Variants in EPHA4 observed in about 807,000 individuals in gnomAD.
EPHA4 encodes EPH receptor A4, also known as ephrin type-A receptor 4.
In EPHA4, 19 loss-of-function variants were observed where a neutral mutation model predicts 108.3. The ratio of observed to expected loss-of-function variants is 0.18; its 90% confidence interval spans 0.12 to 0.26. EPHA4 has a LOEUF of 0.26. EPHA4 is among the 10% of genes least tolerant of loss of function. The pLI is 1.00. For synonymous variants in EPHA4, 449 were observed against 455.5 expected, an observed-to-expected ratio of 0.99 and a Z score of 0.18; for missense variants, 917 against 1,254.0, an observed-to-expected ratio of 0.73 and a Z score of 4.06.
chr2:221,461,975 T>A (rs895609239), intron 5 of EPHA4, among the ~76,000 whole-genome samples: 1 of 131,494 alleles, frequency 7.6e-6, no homozygotes, highest in Non-Finnish European at 1.6e-5. Context: ...GGGGGGCTGA[T>A]GAACACATTC....
At chr2:221,552,507 C>T (rs953899925) in intron 3 of EPHA4, among the ~76,000 whole-genome samples, 11 of 152,152 alleles carry the variant, frequency 7.2e-5, no homozygotes, top group African/African-American at 2.7e-4. Context: ...TTCTTCAAAA[C>T]TCTTCTCCCT....
intron 3 of EPHA4, among the ~76,000 whole-genome samples, chr2:221,520,855 GC>G: frequency 6.6e-6 from 1 of 152,190 alleles, no homozygotes; most frequent in East Asian, 1.9e-4. Flanking sequence ...TCTGCCAGTT[GC>G]ACTTTTAGCA....
intron 5 of EPHA4, among the ~76,000 whole-genome samples, chr2:221,461,985 CTTTTTTTTT>C (rs71050335): frequency 2.2e-5 from 3 of 138,922 alleles, no homozygotes; most frequent in Non-Finnish European, 4.6e-5. Flanking sequence ...TGAACACATT[CTTTTTTTTT>C]TTTTTTTACA....
chr2:221,514,674 A>G (rs925980926), intron 3 of EPHA4, among the ~76,000 whole-genome samples: 7 of 152,188 alleles, frequency 4.6e-5, no homozygotes. Flanking sequence ...CACAAATGGC[A>G]TGCAGGAGAA....
chr2:221,555,837 C>T (rs1224436478), intron 3 of EPHA4, among the ~76,000 whole-genome samples: 2 of 152,164 alleles, frequency 1.3e-5, no homozygotes, highest in Non-Finnish European at 2.9e-5. Flanking sequence ...CTATAAATTG[C>T]TGCCTAATTT....
chr2:221,421,480 C>T (rs1052332349), intron 17 of EPHA4, among the ~76,000 whole-genome samples: 2 of 152,198 alleles, frequency 1.3e-5, no homozygotes, highest in East Asian at 3.9e-4. Context: ...CAGGGAGATA[C>T]TTGCTCTATG....
At position 221,426,327 on chromosome 2, in the gene EPHA4, A is replaced by T. The variant is rs1460083648; in HGVS notation, c.2846+137T>A. On this transcript the variant is annotated intron_variant, in intron 16 of 17. Coordinates refer to ENST00000281821, the MANE Select transcript of EPHA4 (RefSeq NM_004438.5). ...TGTAGATACTTTATAGAGGCTGTGT[A>T]AAATTATACTCAATCAAAATGAGAG... 20 of 1,149,898 alleles carry T rather than the reference A, an allele frequency of 1.7e-5. No homozygotes were observed. The Middle Eastern group carries it at 8.6e-4, about 49-fold the overall frequency. 71.2% of individuals were successfully genotyped at this position (1,149,898 alleles called of 1,614,324 possible). A position where few individuals can be genotyped will look rare whatever the true frequency, so the allele number is the denominator to read the frequency against.
At chr2:221,500,639 G>A (rs1308294203) in intron 4 of EPHA4, among the ~76,000 whole-genome samples, 1 of 152,184 alleles carries the variant, frequency 6.6e-6, no homozygotes, top group Non-Finnish European at 1.5e-5. Flanking sequence ...TTTACAGACT[G>A]AAACCACATT....
intron 4 of EPHA4, among the ~76,000 whole-genome samples, chr2:221,489,777 T>C (rs999987095): frequency 6.6e-6 from 1 of 152,160 alleles, no homozygotes; most frequent in African/African-American, 2.4e-5. Flanking sequence ...TCAATAAATA[T>C]CTGCTAAATG....
chr2:221,563,696 C>T (rs771591232), intron 3 of EPHA4, 35 bp downstream of exon 3: 4 of 1,602,480 alleles, frequency 2.5e-6, no homozygotes, highest in Non-Finnish European at 3.4e-6. Flanking sequence ...TCGCACTAAG[C>T]CCCAGTGAAA....
chr2:221,561,581 T>C (rs982828221), intron 3 of EPHA4, among the ~76,000 whole-genome samples: 18 of 152,232 alleles, frequency 1.2e-4, no homozygotes, highest in African/African-American at 4.3e-4. Flanking sequence ...TGGACTAGAT[T>C]TGAAACCCTA....
At chr2:221,486,743 A>ATAATAC in intron 4 of EPHA4, among the ~76,000 whole-genome samples, 1 of 145,932 alleles carries the variant, frequency 6.9e-6, no homozygotes, top group East Asian at 2.0e-4. Flanking sequence ...CAAAATAATA[A>ATAATAC]TAATAATAAT....
chr2:221,507,776 C>A (rs1164914213), intron 3 of EPHA4, among the ~76,000 whole-genome samples: 1 of 152,182 alleles, frequency 6.6e-6, no homozygotes, highest in Non-Finnish European at 1.5e-5. Flanking sequence ...GCGGCCTAAG[C>A]TCTAGTCTGG....
rs1387208797 is a variant in EPHA4 at position 221,496,674 on chromosome 2, G to A, written c.979+4343C>T. On this transcript the variant is annotated intron_variant, in intron 4 of 17. Transcript: ENST00000281821. ...TGTAATCCCAGCACTTTGGGAGGCC[G>A]AGGTGGGTGGATCACCTGAGGTCCG... 5.3e-5 allele frequency among the ~76,000 whole-genome samples: 8 copies of A among 152,162 alleles called. No individual in the cohort carries two copies. In the South Asian group the frequency reaches 6.2e-4, roughly 12 times the overall value.
intron 3 of EPHA4, among the ~76,000 whole-genome samples, chr2:221,506,865 T>C (rs1047569281): frequency 3.9e-5 from 6 of 152,306 alleles, no homozygotes; most frequent in Middle Eastern, 3.4e-3. Flanking sequence ...TTTTTAGTGA[T>C]AGAATTCAAA....
intron 3 of EPHA4, among the ~76,000 whole-genome samples, chr2:221,559,439 G>A (rs989477971): frequency 1.2e-4 from 18 of 152,158 alleles, no homozygotes; most frequent in African/African-American, 4.3e-4. Context: ...GGCTGGGTGA[G>A]GTGGCTCACA....
chr2:221,459,288 G>A (rs182721436), intron 5 of EPHA4, among the ~76,000 whole-genome samples: 33 of 140,058 alleles, frequency 2.4e-4, no homozygotes, highest in Middle Eastern at 3.6e-3. Flanking sequence ...GGTAACAGGC[G>A]CACACACACA....
intron 5 of EPHA4, among the ~76,000 whole-genome samples, chr2:221,461,371 T>G (rs760770313): frequency 6.6e-6 from 1 of 152,158 alleles, no homozygotes; most frequent in African/African-American, 2.4e-5. Flanking sequence ...GAAGAGGAGA[T>G]AATAGAATTT....
chr2:221,555,455 TGCATTCACCCAGAAAAG>T (rs1338219673), intron 3 of EPHA4, among the ~76,000 whole-genome samples: 2 of 152,216 alleles, frequency 1.3e-5, no homozygotes, highest in Admixed American at 1.3e-4. Context: ...GCTGACGACC[TGCATTCACCCAGAAAAG>T]GCTGAGGTCT....
Sources: gnomAD v4.1 joint callset for allele counts (sites outside exome capture counted in the v4.1 genomes callset) on GRCh38, gnomAD v4.1.1 for gene constraint, MANE v1.5 for transcripts, NCBI Gene and HGNC (gene_info 2026-07-23, HGNC 2026-07-21) for gene names.